Variants in ARHGAP44 observed in about 807,000 individuals in gnomAD.
ARHGAP44 encodes the protein rho GTPase-activating protein 44.
A neutral mutation model predicts 106.8 loss-of-function variants in ARHGAP44; 43 were observed. The ratio of observed to expected loss-of-function variants is 0.40; its 90% CI spans 0.32 to 0.52. ARHGAP44 has a LOEUF of 0.52. ARHGAP44 is among the 20% of genes least tolerant of loss of function. ARHGAP44 has a pLI of 0.48. For synonymous variants in ARHGAP44, 439 were observed against 410.3 expected (o/e 1.07, Z -0.85); for missense variants, 866 against 1,050.5 (o/e 0.82, Z 2.43).
intron 1 of ARHGAP44, among the ~76,000 whole-genome samples, chr17:12,845,223 A>G (rs2035528432): frequency 6.6e-6 from 1 of 151,056 alleles, no homozygotes; most frequent in South Asian, 2.1e-4. Context: ...AAAAAAAATC[A>G]TCTCGGCTGG....
chr17:12,897,362 A>C (rs777913155), intron 3 of ARHGAP44, among the ~76,000 whole-genome samples: 11 of 151,162 alleles, frequency 7.3e-5, no homozygotes, highest in Non-Finnish European at 1.3e-4. Flanking sequence ...CTGTCATGTA[A>C]TGTGCCACAA....
At chr17:12,889,127 GTTCT>G (rs1227164340) in intron 1 of ARHGAP44, among the ~76,000 whole-genome samples, 1 of 151,942 alleles carries the variant, frequency 6.6e-6, no homozygotes, top group Non-Finnish European at 1.5e-5. Context: ...TTTGTTTTCT[GTTCT>G]TTCTGTTTTT....
intron 1 of ARHGAP44, among the ~76,000 whole-genome samples, chr17:12,868,589 TTTTATA>T (rs1172112351): frequency 0.096 from 10,022 of 104,728 alleles, 738 homozygotes; most frequent in Non-Finnish European, 0.13. Flanking sequence ...TATATATGCA[TTTTATA>T]TATATATATA....
intron 1 of ARHGAP44, among the ~76,000 whole-genome samples, chr17:12,858,380 G>A (rs559079338): frequency 6.6e-6 from 1 of 152,146 alleles, no homozygotes; most frequent in Non-Finnish European, 1.5e-5. Context: ...CAGATTACTG[G>A]CTGCAGTTGT....
At chr17:12,921,293 C>G (rs896101824) in intron 6 of ARHGAP44, among the ~76,000 whole-genome samples, 3 of 152,154 alleles carry the variant, frequency 2.0e-5, no homozygotes, top group Non-Finnish European at 2.9e-5. Context: ...TCACGAACTC[C>G]TGACTTCAAG....
chr17:12,905,461 T>C (rs1434307673), intron 3 of ARHGAP44, among the ~76,000 whole-genome samples: 1 of 152,124 alleles, frequency 6.6e-6, no homozygotes, highest in South Asian at 2.1e-4. Context: ...TGCAGAACAG[T>C]TGCCTGGCTG....
Position 12,915,954 on chromosome 17 carries a change from A to G in ARHGAP44, c.330A>G (p.Ile110Met). 1 of 1,613,948 alleles carries G rather than the reference A, an allele frequency of 6.2e-7. No individual in the cohort carries two copies. The highest frequency in any genetic ancestry group is 8.5e-7 in the Non-Finnish European group (1 of 1,179,862). Residue 110 changes from isoleucine (I) to methionine (M), a missense_variant, in exon 5 of 21, where the codon ATA becomes ATG. This residue lies in a region of ARHGAP44 where 448 missense variants were observed against 646.9 expected (regional missense o/e 0.69). Coordinates refer to ENST00000379672, the MANE Select transcript of ARHGAP44 (RefSeq NM_014859.6). The stretch of plus-strand genomic sequence containing the variant: ...AGGACAAGCTGGCTCAGGAGCTGAT[A>G]CATTTTGAGTTGCAAGTAGAGAGAG... ...ETEDKLAQEL[I>M]HFELQVERDV...
chr17:12,790,375 G>A, intron 1 of ARHGAP44: 1 of 159,958 alleles, frequency 6.3e-6, no homozygotes. Flanking sequence ...CTCCCGCCGT[G>A]TTTGTTTTCA....
chr17:12,985,073 T>C (rs2039926689), intron 20 of ARHGAP44, 165 bp downstream of exon 20: 2 of 849,302 alleles, frequency 2.4e-6, no homozygotes, highest in Non-Finnish European at 3.5e-6. Context: ...AGCCCACCAA[T>C]GGAAAGCAAC....
rs1405582486 is a variant in ARHGAP44 at position 12,807,237 on chromosome 17, A to ATT, written c.53+17346_53+17347insTT. ...TGAGCAGAGAGGAGGGCTGAGGAATAGTTCCTGGGACAGAGTAAGTCCTCA... is the reference window on the plus strand; with the variant it reads ...TGAGCAGAGAGGAGGGCTGAGGAATATTGTTCCTGGGACAGAGTAAGTCCTCA... On this transcript the variant is annotated intron_variant, in intron 1 of 20. Coordinates refer to ENST00000379672, the MANE Select transcript of ARHGAP44 (RefSeq NM_014859.6). 4.6e-5 allele frequency among the ~76,000 whole-genome samples: 7 copies of ATT among 152,324 alleles called. No individual in the cohort carries two copies. In the South Asian group the frequency reaches 1.5e-3, roughly 32 times the overall value.
intron 16 of ARHGAP44, among the ~76,000 whole-genome samples, chr17:12,970,043 C>T (rs568810282): frequency 6.6e-6 from 1 of 152,210 alleles, no homozygotes; most frequent in South Asian, 2.1e-4. Context: ...GATTGTTCTT[C>T]AGTGGGTCTA....
chr17:12,874,456 C>T (rs947107657), intron 1 of ARHGAP44, among the ~76,000 whole-genome samples: 6 of 151,934 alleles, frequency 3.9e-5, no homozygotes, highest in Non-Finnish European at 5.9e-5. Flanking sequence ...TGTGCCCAGG[C>T]GCGGCAGCTC....
At chr17:12,918,422 T>G (rs745673208) in intron 5 of ARHGAP44, among the ~76,000 whole-genome samples, 7 of 152,168 alleles carry the variant, frequency 4.6e-5, no homozygotes, top group Admixed American at 6.5e-5. Context: ...CAATTTTCGT[T>G]TTGCATTCTC....
intron 16 of ARHGAP44, 83 bp from the exon 17 acceptor site, chr17:12,973,219 C>T: frequency 1.4e-6 from 2 of 1,403,146 alleles, no homozygotes; most frequent in Admixed American, 2.0e-5. Context: ...TGGAGAGAGA[C>T]CCCTTACAGA....
In ARHGAP44 at chr17:12,972,647, T is replaced by A. The variant is rs549515397; in HGVS notation, c.1524-655T>A. ...TGGGTGACAAGAGCGAAACTCTGTC[T>A]CAAATAAATAAATAAATATTTTTTT... On this transcript the variant is annotated intron_variant, in intron 16 of 20. Coordinates refer to ENST00000379672, the MANE Select transcript of ARHGAP44 (RefSeq NM_014859.6). 3.7e-5 allele frequency among the ~76,000 whole-genome samples: 5 copies of A among 135,182 alleles called. No individual in the cohort carries two copies. The South Asian group carries it at 9.9e-4, about 27-fold the overall frequency. The allele number at this position is 135,182 out of a possible 152,430, so 88.7% of individuals were successfully genotyped here.
chr17:12,856,984 A>G (rs1257228594), intron 1 of ARHGAP44, among the ~76,000 whole-genome samples: 1 of 152,182 alleles, frequency 6.6e-6, no homozygotes, highest in African/African-American at 2.4e-5. Context: ...AGTATAATGA[A>G]CATACTTTTT....
intron 1 of ARHGAP44, among the ~76,000 whole-genome samples, chr17:12,888,616 GTGT>G (rs1174966643): frequency 2.6e-5 from 4 of 152,136 alleles, no homozygotes; most frequent in Non-Finnish European, 2.9e-5. Context: ...GTTAATGGAG[GTGT>G]TGTGTTTTTT....
chr17:12,965,985 T>C (rs1332576639), intron 16 of ARHGAP44, among the ~76,000 whole-genome samples: 1 of 152,064 alleles, frequency 6.6e-6, no homozygotes, highest in Non-Finnish European at 1.5e-5. Flanking sequence ...AGACATCATC[T>C]ATACAAACAA....
intron 1 of ARHGAP44, among the ~76,000 whole-genome samples, chr17:12,803,006 T>C (rs1166001626): frequency 7.7e-6 from 1 of 130,426 alleles, no homozygotes; most frequent in Non-Finnish European, 1.6e-5. Context: ...AGAGTCTAGC[T>C]CTGTCACCCA....
Sources: allele counts gnomAD v4.1 joint callset (sites outside exome capture counted in the v4.1 genomes callset), GRCh38; gene constraint gnomAD v4.1.1; regional missense constraint gnomAD v4.1.1; transcripts MANE v1.5; gene names NCBI Gene and HGNC (gene_info 2026-07-23, HGNC 2026-07-21).